MAST2: variants seen among roughly 807,000 people sequenced by gnomAD.
The protein encoded by MAST2 is microtubule-associated serine/threonine-protein kinase 2.
A neutral mutation model predicts 147.4 loss-of-function variants in MAST2; 70 were observed. That is an observed-to-expected ratio of 0.47 (90% CI 0.39 to 0.58). The LOEUF is 0.58. Among genes scored for constraint, MAST2 ranks in the 20% least tolerant of loss-of-function variants. The probability of loss-of-function intolerance (pLI) is 0.00; values close to 1 mark genes in which losing one functional copy is unlikely to be tolerated. For missense variants in MAST2, 2,080 were observed against 2,302.3 expected (o/e 0.90, Z 1.98); for synonymous variants, 869 against 896.8 (o/e 0.97, Z 0.55).
At chr1:46,026,151 CT>C in intron 16 of MAST2, among the ~76,000 whole-genome samples, 1 of 152,328 alleles carries the variant, frequency 6.6e-6, no homozygotes, top group Middle Eastern at 3.4e-3. Flanking sequence ...TGTGCCAGCA[CT>C]ATATTGTGGG....
At chr1:45,827,852 T>C (rs1334586081) in intron 2 of MAST2, among the ~76,000 whole-genome samples, 1 of 152,126 alleles carries the variant, frequency 6.6e-6, no homozygotes, top group African/African-American at 2.4e-5. Context: ...TTGAGACAGC[T>C]TCTCATTCTG....
chr1:45,888,613 C>T (rs567168735), intron 4 of MAST2, among the ~76,000 whole-genome samples: 20 of 149,238 alleles, frequency 1.3e-4, no homozygotes, highest in Middle Eastern at 3.5e-3. Flanking sequence ...CCACCCACCT[C>T]GGCCTCCCAA....
chr1:45,944,687 T>C (rs1183848107), intron 4 of MAST2, among the ~76,000 whole-genome samples: 1 of 152,224 alleles, frequency 6.6e-6, no homozygotes, highest in Non-Finnish European at 1.5e-5. Context: ...TTCTAGAGCC[T>C]TCTCGTCTTC....
At chr1:45,965,095 A>G (rs1170662875) in intron 5 of MAST2, among the ~76,000 whole-genome samples, 3 of 152,020 alleles carry the variant, frequency 2.0e-5, no homozygotes, top group Non-Finnish European at 4.4e-5. Context: ...AGTTTGTTAC[A>G]ATTTCTGTTC....
chr1:46,030,788 G>T (rs1379740842), intron 22 of MAST2, 27 bp downstream of exon 22: 1 of 1,545,658 alleles, frequency 6.5e-7, no homozygotes, highest in Non-Finnish European at 8.7e-7. Flanking sequence ...CACCCAGGGT[G>T]GGCGACACAG....
chr1:46,024,605 A>C (rs1646325250), intron 15 of MAST2, among the ~76,000 whole-genome samples: 1 of 152,154 alleles, frequency 6.6e-6, no homozygotes, highest in Non-Finnish European at 1.5e-5. Flanking sequence ...GTGTTACTTT[A>C]CTCAGAAACT....
rs866998078 is a variant in MAST2, at chr1:45,995,898, C to T, written c.593-1826C>T. Among the ~76,000 whole-genome samples, 18 of 152,278 alleles carry T rather than the reference C, an allele frequency of 1.2e-4. 1 individual carries two copies. In the Middle Eastern group the frequency reaches 0.024, roughly 201 times the overall value. On this transcript the variant is annotated intron_variant, in intron 5 of 28. Coordinates refer to ENST00000361297, the MANE Select transcript of MAST2 (RefSeq NM_015112.3). The stretch of plus-strand genomic sequence containing the variant: ...TAGCCTTCAGGTTTCAGGCAGTGAA[C>T]ATATGTACCTTTAAGTAATCTGGTA...
At chr1:45,950,164 C>G (rs759981429) in intron 4 of MAST2, among the ~76,000 whole-genome samples, 1 of 152,120 alleles carries the variant, frequency 6.6e-6, no homozygotes, top group Non-Finnish European at 1.5e-5. Flanking sequence ...CAACAAACCC[C>G]TGTGTCAGGA....
intron 5 of MAST2, among the ~76,000 whole-genome samples, chr1:45,975,613 A>G (rs1644115850): frequency 6.7e-6 from 1 of 150,302 alleles, no homozygotes; most frequent in Non-Finnish European, 1.5e-5. Flanking sequence ...TCACGGCTGC[A>G]GTAAGCCGCG....
At chr1:45,843,889 T>G (rs557743083) in intron 3 of MAST2, among the ~76,000 whole-genome samples, 146 of 152,336 alleles carry the variant, frequency 9.6e-4, no homozygotes, top group South Asian at 2.5e-3. Flanking sequence ...CTTAGCTTAC[T>G]CTCAAGAGCA....
intron 4 of MAST2, among the ~76,000 whole-genome samples, chr1:45,936,316 A>T (rs934877678): frequency 3.3e-5 from 5 of 152,108 alleles, no homozygotes; most frequent in African/African-American, 1.2e-4. Context: ...TTTTCTAGGT[A>T]TATAGAATGG....
At chr1:45,960,424 G>A (rs547179786) in intron 5 of MAST2, among the ~76,000 whole-genome samples, 2 of 152,174 alleles carry the variant, frequency 1.3e-5, no homozygotes, top group Middle Eastern at 6.8e-3. Context: ...TGGGAGCATC[G>A]CCTGATCACC....
At chr1:45,911,484 G>A (rs1480658545) in intron 4 of MAST2, among the ~76,000 whole-genome samples, 1 of 152,108 alleles carries the variant, frequency 6.6e-6, no homozygotes, top group Non-Finnish European at 1.5e-5. Flanking sequence ...ATTTGCTGCT[G>A]TTGTCAGAAA....
At chr1:46,020,203 C>T (rs1469647305) in intron 11 of MAST2, among the ~76,000 whole-genome samples, 2 of 152,100 alleles carry the variant, frequency 1.3e-5, no homozygotes, top group African/African-American at 2.4e-5. Flanking sequence ...CAGTACACAG[C>T]GTAACGGGAA....
rs562694258 is a variant in MAST2, at chr1:46,034,376, C to G, written c.3868+110C>G. 124 of 1,360,092 alleles carry G rather than the reference C, an allele frequency of 9.1e-5. 1 individual carries two copies. The South Asian group carries it at 1.7e-3, about 18-fold the overall frequency. 84.3% of individuals were successfully genotyped at this position (1,360,092 alleles called of 1,614,324 possible). Reference sequence around the variant, plus strand: ...TCTGAGTCTCTCATTTAGCCCACCCCCTGAAAGATCCTGTAGTCTTGGGGA... The same window carrying G: ...TCTGAGTCTCTCATTTAGCCCACCCGCTGAAAGATCCTGTAGTCTTGGGGA... On this transcript the variant is annotated intron_variant, in intron 28 of 28. Transcript: ENST00000361297.
chr1:46,031,652 G>C lies in MAST2; in HGVS notation c.3187+67G>C, dbSNP rs928589736. ...CCTTGTAATCTCTAGGCCTTGGGAG[G>C]GTTCTGCACGTGGCAGGTGTGTGTG... On this transcript the variant is annotated intron_variant, in intron 24 of 28. Coordinates refer to ENST00000361297, the MANE Select transcript of MAST2 (RefSeq NM_015112.3). The surrounding 1 kb of genome is among the most constrained non-coding windows in gnomAD (Gnocchi z 4.1). The C allele has an allele frequency of 7.4e-6, 11 of 1,477,714 alleles. No individual in the cohort carries two copies. The highest frequency in any genetic ancestry group is 1.7e-4 in the Middle Eastern group (1 of 5,736). 91.5% of individuals were successfully genotyped at this position (1,477,714 alleles called of 1,614,324 possible).
intron 5 of MAST2, among the ~76,000 whole-genome samples, chr1:45,997,327 T>G (rs1016486752): frequency 3.3e-5 from 5 of 152,150 alleles, no homozygotes; most frequent in Non-Finnish European, 7.4e-5. Context: ...TGCAAGAAAC[T>G]TTTGGATTAG....
intron 3 of MAST2, among the ~76,000 whole-genome samples, chr1:45,863,221 A>C (rs533112302): frequency 1.3e-5 from 2 of 152,106 alleles, no homozygotes; most frequent in South Asian, 2.1e-4. Flanking sequence ...AGCCACTCCT[A>C]CTTCCTCTCT....
intron 3 of MAST2, among the ~76,000 whole-genome samples, chr1:45,837,528 G>C (rs1645139471): frequency 6.6e-6 from 1 of 152,096 alleles, no homozygotes. Flanking sequence ...TGACCATATG[G>C]GTTGTTTCCA....
Sources: gnomAD v4.1 joint callset for allele counts (sites outside exome capture counted in the v4.1 genomes callset) on GRCh38, gnomAD v4.1.1 for gene constraint, Gnocchi (gnomAD v3.1) non-coding constraint, MANE v1.5 for transcripts, NCBI Gene and HGNC (gene_info 2026-07-23, HGNC 2026-07-21) for gene names.